ACTR3B: variants seen among roughly 807,000 people sequenced by gnomAD.
ACTR3B encodes the protein actin related protein 3B.
Under a neutral mutation model 59.0 loss-of-function variants are expected in ACTR3B, and 8 were observed. The ratio of observed to expected loss-of-function variants is 0.14; its 90% confidence interval spans 0.08 to 0.24. The LOEUF is 0.24. Among genes scored for constraint, ACTR3B ranks in the 10% least tolerant of loss-of-function variants. The probability of loss-of-function intolerance (pLI) is 1.00; values close to 1 mark genes in which losing one functional copy is unlikely to be tolerated. For synonymous variants in ACTR3B, 148 were observed against 197.9 expected (o/e 0.75, Z 2.12); for missense variants, 245 against 552.3 (o/e 0.44, Z 5.58).
At position 152,823,491 on chromosome 7, in the gene ACTR3B, A is replaced by G. The variant is rs1205053280; in HGVS notation, c.834A>G (p.Gly278=). The change falls in exon 8 of 12, where the codon GGA becomes GGG. Residue 278 remains glycine (G), a synonymous_variant. Transcript: ENST00000256001. ...VIDVGYERFL[G]PEIFFHPEFA... ...ACGTTGGTTACGAAAGATTCCTGGG[A>G]CCTGAAATATTCTTTCACCCGGAGG... 1.2e-6 allele frequency: 2 copies of G among 1,614,154 alleles called. No individual in the cohort carries two copies. The highest frequency in any genetic ancestry group is 1.7e-6 in the Non-Finnish European group (2 of 1,180,018).
intron 1 of ACTR3B, among the ~76,000 whole-genome samples, chr7:152,779,257 C>T (rs551958964): frequency 0.017 from 2,573 of 151,110 alleles, 74 homozygotes; most frequent in African/African-American, 0.058. Flanking sequence ...TTTAGTGAAT[C>T]GCGCACAGCC....
chr7:152,845,532 G>A (rs1278150167), intron 9 of ACTR3B, among the ~76,000 whole-genome samples: 2 of 152,246 alleles, frequency 1.3e-5, no homozygotes, highest in Non-Finnish European at 2.9e-5. Context: ...CTCCCATGAC[G>A]TTTCACGGTG....
chr7:152,763,205 G>C (rs2098095764), intron 1 of ACTR3B, among the ~76,000 whole-genome samples: 2 of 148,910 alleles, frequency 1.3e-5, no homozygotes, highest in African/African-American at 4.9e-5. Flanking sequence ...AGTCCCAGCT[G>C]CTTTGGAGGC....
At chr7:152,778,591 A>AT (rs905373075) in intron 1 of ACTR3B, among the ~76,000 whole-genome samples, 10 of 151,480 alleles carry the variant, frequency 6.6e-5, no homozygotes, top group African/African-American at 2.2e-4. Context: ...TTCCTACATT[A>AT]TTTTTTTTCA....
chr7:152,803,976 A>G (rs528113482), intron 4 of ACTR3B, among the ~76,000 whole-genome samples: 2 of 152,188 alleles, frequency 1.3e-5, no homozygotes, highest in Admixed American at 6.5e-5. Context: ...GGAAAGATTT[A>G]AGACCAAGCC....
chr7:152,791,809 A>G (rs2098197344), intron 2 of ACTR3B, among the ~76,000 whole-genome samples: 1 of 152,218 alleles, frequency 6.6e-6, no homozygotes. Flanking sequence ...TCCATAATAT[A>G]TGTTCTTCAA....
chr7:152,793,735 A>G (rs1211957207), intron 2 of ACTR3B, among the ~76,000 whole-genome samples: 2 of 151,600 alleles, frequency 1.3e-5, no homozygotes, highest in Non-Finnish European at 2.9e-5. Context: ...GGTTTTTGCC[A>G]TGGTGAGAGT....
In ACTR3B at chr7:152,853,237, G is replaced by A. The variant is rs541417389; in HGVS notation, c.1078-257G>A. On this transcript the variant is annotated intron_variant, in intron 10 of 11. Coordinates refer to ENST00000256001, the MANE Select transcript of ACTR3B (RefSeq NM_020445.6). Reference sequence around the variant, plus strand: ...GGATTTTGTGCTTTTGAACTTTAGCGCTTTGAGCCTTGTGAGAGGGAGGTG... The same window carrying A: ...GGATTTTGTGCTTTTGAACTTTAGCACTTTGAGCCTTGTGAGAGGGAGGTG... Among the ~76,000 whole-genome samples, 378 of 152,082 alleles carry A rather than the reference G, an allele frequency of 2.5e-3. 4 individuals carry two copies. In the South Asian group the frequency reaches 0.04, roughly 16 times the overall value.
chr7:152,780,339 C>G (rs6951242), intron 1 of ACTR3B, among the ~76,000 whole-genome samples: 1 of 142,594 alleles, frequency 7.0e-6, no homozygotes, highest in Admixed American at 7.0e-5. Context: ...CTCGAAAGAG[C>G]GAAACTCTGT....
intron 2 of ACTR3B, among the ~76,000 whole-genome samples, chr7:152,789,568 G>A (rs2098187809): frequency 6.7e-6 from 1 of 148,818 alleles, no homozygotes; most frequent in Non-Finnish European, 1.5e-5. Context: ...TTTTAATCCA[G>A]CAACCTTTAT....
intron 9 of ACTR3B, among the ~76,000 whole-genome samples, chr7:152,828,950 C>A (rs1226325891): frequency 6.6e-6 from 1 of 152,006 alleles, no homozygotes; most frequent in Non-Finnish European, 1.5e-5. Flanking sequence ...GGGGTTTTTT[C>A]TCCTAGCTTT....
chr7:152,852,481 ACT>A (rs1232199781), intron 10 of ACTR3B, among the ~76,000 whole-genome samples: 1 of 151,826 alleles, frequency 6.6e-6, no homozygotes. Context: ...GCAGCTTCAC[ACT>A]CTCCCTGGCC....
intron 1 of ACTR3B, among the ~76,000 whole-genome samples, chr7:152,782,419 A>AC (rs948857066): frequency 1.3e-4 from 19 of 149,798 alleles, no homozygotes; most frequent in Non-Finnish European, 2.7e-4. Flanking sequence ...TTTTCCCACC[A>AC]CCCCCCCTTT....
rs1799073459 is a variant in ACTR3B, at chr7:152,854,193, C to T, written c.1162-265C>T. Among the ~76,000 whole-genome samples, 1 of 152,204 alleles carries T rather than the reference C, an allele frequency of 6.6e-6. No individual in the cohort carries two copies. ...CCAAATAATTATTACTTTTCCCCCT[C>T]ACATTTGTGAATAGCTCACACATTG... On this transcript the variant is annotated intron_variant, in intron 11 of 11. Coordinates refer to ENST00000256001, the MANE Select transcript of ACTR3B (RefSeq NM_020445.6). The surrounding 1 kb of genome is among the most constrained non-coding windows in gnomAD (Gnocchi z 4.9).
Position 152,816,473 on chromosome 7 carries a change from T to G in ACTR3B, c.433-8T>G. 1.9e-6 allele frequency: 3 copies of G among 1,560,430 alleles called. No homozygotes were observed. The highest frequency in any genetic ancestry group is 2.6e-6 in the Non-Finnish European group (3 of 1,153,190). ...TATGTGCGAGCGGTTTTCATGTCTTTTCTCCAGGCAGTGCTGGCCTTGGCG... is the reference window on the plus strand; with the variant it reads ...TATGTGCGAGCGGTTTTCATGTCTTGTCTCCAGGCAGTGCTGGCCTTGGCG... On this transcript the variant is annotated splice_region_variant and splice_polypyrimidine_tract_variant and intron_variant, in intron 5 of 11. Transcript: ENST00000256001.
At chr7:152,778,802 G>T (rs758993143) in intron 1 of ACTR3B, among the ~76,000 whole-genome samples, 1 of 151,424 alleles carries the variant, frequency 6.6e-6, no homozygotes, top group Non-Finnish European at 1.5e-5. Context: ...ACTTAGCCGG[G>T]TGTGATGGCC....
intron 9 of ACTR3B, among the ~76,000 whole-genome samples, chr7:152,845,914 T>C (rs1205213712): frequency 6.6e-6 from 1 of 152,256 alleles, no homozygotes; most frequent in Non-Finnish European, 1.5e-5. Context: ...ATTTTTAGTG[T>C]AGGAAACAAA....
intron 4 of ACTR3B, chr7:152,812,394 A>G (rs957108428): frequency 2.0e-5 from 2 of 99,938 alleles, no homozygotes; most frequent in African/African-American, 5.5e-5. Context: ...CTTTTGCTGG[A>G]CTTTCTGCAT....
At chr7:152,769,851 G>A (rs1976873) in intron 1 of ACTR3B, among the ~76,000 whole-genome samples, 9 of 140,266 alleles carry the variant, frequency 6.4e-5, no homozygotes, top group Non-Finnish European at 9.1e-5. Flanking sequence ...CCCTTTCTCC[G>A]TTTCAGCATC....
Sources: allele counts gnomAD v4.1 joint callset (sites outside exome capture counted in the v4.1 genomes callset), GRCh38; gene constraint gnomAD v4.1.1; non-coding constraint Gnocchi (gnomAD v3.1); transcripts MANE v1.5; gene names NCBI Gene and HGNC (gene_info 2026-07-23, HGNC 2026-07-21).